PRKG1: variants seen among roughly 807,000 people sequenced by gnomAD.
The protein encoded by PRKG1 is protein kinase cGMP-dependent 1.
PRKG1 carries 35 observed loss-of-function variants against 88.1 expected under a neutral mutation model. That is an observed-to-expected ratio of 0.40 (90% CI 0.30 to 0.53). PRKG1 has a LOEUF of 0.53. PRKG1 is among the 20% of genes least tolerant of loss of function. The pLI, the probability that PRKG1 is intolerant of heterozygous loss-of-function variation, is 0.59. For missense variants in PRKG1, 540 were observed against 839.8 expected, an observed-to-expected ratio of 0.64 and a Z score of 4.41; for synonymous variants, 303 against 292.5, an observed-to-expected ratio of 1.04 and a Z score of -0.37.
chr10:51,303,425 G>C (rs1053315039), intron 2 of PRKG1, among the ~76,000 whole-genome samples: 4 of 151,958 alleles, frequency 2.6e-5, no homozygotes, highest in Non-Finnish European at 4.4e-5. Flanking sequence ...TGTGTGCGCT[G>C]TCAGTGACAT....
chr10:51,266,423 G>A (rs1839837390), intron 2 of PRKG1, among the ~76,000 whole-genome samples: 1 of 152,154 alleles, frequency 6.6e-6, no homozygotes, highest in South Asian at 2.1e-4. Context: ...ATATCAGAAT[G>A]GACGGATGCT....
rs1181737683 is a variant in PRKG1, at chr10:51,696,012, TAA to T, written c.593-108571_593-108570del. ...TCAAGGCTTTATTTTCAAGAAAAAATAAAGTCGTAGTAGCACAATGTGATAAG... is the reference window on the plus strand; with the variant it reads ...TCAAGGCTTTATTTTCAAGAAAAAATAGTCGTAGTAGCACAATGTGATAAG... On this transcript the variant is annotated intron_variant, in intron 3 of 17. Transcript: ENST00000373980. 2.0e-5 allele frequency: 3 copies of T among 152,250 alleles called. No individual in the cohort carries two copies. In the East Asian group the frequency reaches 5.8e-4, roughly 29 times the overall value. 9.4% of individuals were successfully genotyped at this position (152,250 alleles called of 1,614,324 possible).
At chr10:51,702,805 T>C (rs1341680451) in intron 3 of PRKG1, among the ~76,000 whole-genome samples, 2 of 152,058 alleles carry the variant, frequency 1.3e-5, no homozygotes, top group Admixed American at 1.3e-4. Flanking sequence ...CAAGCAATTC[T>C]CCTGCCTTAG....
chr10:51,011,940 C>T (rs1461156468), intron 1 of PRKG1, among the ~76,000 whole-genome samples: 3 of 152,162 alleles, frequency 2.0e-5, no homozygotes, highest in African/African-American at 7.2e-5. Context: ...AGTTGAAAGG[C>T]ATGTCTTCCA....
intron 1 of PRKG1, among the ~76,000 whole-genome samples, chr10:51,077,143 T>C (rs576657334): frequency 6.6e-6 from 1 of 152,338 alleles, no homozygotes; most frequent in East Asian, 1.9e-4. Context: ...TTTGAATGGT[T>C]GTACAAGGTA....
intron 4 of PRKG1, among the ~76,000 whole-genome samples, chr10:51,893,418 G>A (rs1395344545): frequency 1.3e-5 from 2 of 152,008 alleles, no homozygotes; most frequent in Non-Finnish European, 2.9e-5. Context: ...GGCTGATGAA[G>A]CTGCTGTCAG....
At chr10:52,108,335 G>A (rs1847473895) in intron 7 of PRKG1, among the ~76,000 whole-genome samples, 1 of 152,218 alleles carries the variant, frequency 6.6e-6, no homozygotes, top group Non-Finnish European at 1.5e-5. Flanking sequence ...GATAGTTAGT[G>A]ACATAACCTT....
intron 3 of PRKG1, among the ~76,000 whole-genome samples, chr10:51,539,861 A>G (rs1842256999): frequency 6.6e-6 from 1 of 152,214 alleles, no homozygotes. Context: ...ATGTTTACAC[A>G]ATTTTAGCAA....
chr10:51,083,393 G>T (rs1033656986), intron 1 of PRKG1, among the ~76,000 whole-genome samples: 4 of 152,160 alleles, frequency 2.6e-5, no homozygotes, highest in Non-Finnish European at 5.9e-5. Flanking sequence ...GTTTCTTTGG[G>T]TCCCAGCTCC....
intron 3 of PRKG1, among the ~76,000 whole-genome samples, chr10:51,483,075 C>A (rs1189304027): frequency 1.5e-5 from 2 of 130,498 alleles, no homozygotes; most frequent in African/African-American, 6.0e-5. Flanking sequence ...TGCAGTGATT[C>A]AATGGCACAA....
chr10:51,688,565 C>CTTTTT (rs35034840), intron 3 of PRKG1, among the ~76,000 whole-genome samples: 4 of 123,690 alleles, frequency 3.2e-5, no homozygotes, highest in Admixed American at 8.7e-5. Flanking sequence ...AGTAACAATC[C>CTTTTT]TTTTTTTTTT....
At chr10:51,581,881 A>G (rs901326486) in intron 3 of PRKG1, among the ~76,000 whole-genome samples, 5 of 152,114 alleles carry the variant, frequency 3.3e-5, no homozygotes, top group African/African-American at 1.2e-4. Context: ...TACAAGTATT[A>G]CATACTCTAC....
chr10:51,936,711 T>G (rs1842807025), intron 5 of PRKG1, among the ~76,000 whole-genome samples: 1 of 152,082 alleles, frequency 6.6e-6, no homozygotes, highest in East Asian at 1.9e-4. Flanking sequence ...TGATGCTGGC[T>G]TAAAAACAAT....
At chr10:51,619,786 A>G (rs1014527999) in intron 3 of PRKG1, among the ~76,000 whole-genome samples, 1 of 152,192 alleles carries the variant, frequency 6.6e-6, no homozygotes, top group Non-Finnish European at 1.5e-5. Flanking sequence ...AAGCACATTC[A>G]TAGGTAAATG....
At chr10:51,995,737 T>C (rs984890285) in intron 5 of PRKG1, among the ~76,000 whole-genome samples, 2 of 152,194 alleles carry the variant, frequency 1.3e-5, no homozygotes, top group Admixed American at 6.5e-5. Context: ...TTCCATAATA[T>C]TTTAGCTCAG....
At chr10:51,472,890 C>T (rs1840085815) in intron 3 of PRKG1, among the ~76,000 whole-genome samples, 3 of 151,774 alleles carry the variant, frequency 2.0e-5, no homozygotes, top group Admixed American at 2.0e-4. Flanking sequence ...TTTGTTTTCT[C>T]CCAGTTTAAT....
intron 4 of PRKG1, among the ~76,000 whole-genome samples, chr10:51,806,371 T>C (rs1839308056): frequency 6.6e-6 from 1 of 152,180 alleles, no homozygotes; most frequent in Non-Finnish European, 1.5e-5. Context: ...GAGATGAAGA[T>C]GTCTCAATCT....
intron 1 of PRKG1, among the ~76,000 whole-genome samples, chr10:51,075,586 C>A (rs980933680): frequency 1.1e-4 from 17 of 152,138 alleles, no homozygotes; most frequent in African/African-American, 3.4e-4. Flanking sequence ...ACTTAAGAAA[C>A]GTGCATAATG....
chr10:52,046,647 T>G (rs1845869926), intron 5 of PRKG1: 1 of 152,140 alleles, frequency 6.6e-6, no homozygotes, highest in Admixed American at 6.6e-5. Flanking sequence ...TTTCTTAGGG[T>G]TCCAGAGCTG....
Sources: gnomAD v4.1 joint callset for allele counts (sites outside exome capture counted in the v4.1 genomes callset) on GRCh38, gnomAD v4.1.1 for gene constraint, MANE v1.5 for transcripts, NCBI Gene and HGNC (gene_info 2026-07-23, HGNC 2026-07-21) for gene names.